The following PSMD1 variants were observed in gnomAD, a reference collection of about 807,000 sequenced individuals.
PSMD1 encodes proteasome 26S subunit, non-ATPase 1, also known as 26S proteasome non-ATPase regulatory subunit 1.
A neutral mutation model predicts 119.0 loss-of-function variants in PSMD1; 18 were observed. The ratio of observed to expected loss-of-function variants is 0.15; its 90% CI spans 0.10 to 0.22. The LOEUF (loss-of-function observed/expected upper bound fraction) is 0.22. Among genes scored for constraint, PSMD1 ranks in the 10% least tolerant of loss-of-function variants. The pLI, the probability that PSMD1 is intolerant of heterozygous loss-of-function variation, is 1.00. For synonymous variants in PSMD1, 374 were observed against 396.6 expected (o/e 0.94, Z 0.68); for missense variants, 702 against 1,158.5 (o/e 0.61, Z 5.72).
chr2:231,161,993 G>A (rs575197466), intron 20 of PSMD1, among the ~76,000 whole-genome samples: 4 of 152,310 alleles, frequency 2.6e-5, no homozygotes, highest in African/African-American at 4.8e-5. Flanking sequence ...AGTGGTTGAT[G>A]GAAGAAAGAA....
intron 16 of PSMD1, among the ~76,000 whole-genome samples, chr2:231,118,228 A>G (rs534449202): frequency 4.6e-5 from 7 of 152,260 alleles, no homozygotes; most frequent in South Asian, 2.1e-4. Flanking sequence ...AAAACACTCA[A>G]TAAATGTTAG....
At chr2:231,120,322 C>G (rs572771311) in intron 16 of PSMD1, among the ~76,000 whole-genome samples, 1 of 152,152 alleles carries the variant, frequency 6.6e-6, no homozygotes, top group Non-Finnish European at 1.5e-5. Flanking sequence ...TGGTGAACAT[C>G]CTGTCTTTTT....
At chr2:231,152,323 G>C (rs537224872) in intron 18 of PSMD1, among the ~76,000 whole-genome samples, 14 of 152,254 alleles carry the variant, frequency 9.2e-5, no homozygotes, top group South Asian at 8.3e-4. Flanking sequence ...TTTGTTAGTA[G>C]CATTTAGATT....
intron 23 of PSMD1, among the ~76,000 whole-genome samples, chr2:231,167,168 A>G (rs1696804722): frequency 6.6e-6 from 1 of 152,034 alleles, no homozygotes; most frequent in Non-Finnish European, 1.5e-5. Flanking sequence ...AATGGACAGA[A>G]TCATCAATGG....
At chr2:231,132,197 G>T (rs1695871052) in intron 16 of PSMD1, among the ~76,000 whole-genome samples, 1 of 152,148 alleles carries the variant, frequency 6.6e-6, no homozygotes, top group Non-Finnish European at 1.5e-5. Flanking sequence ...CTAAAGAAAA[G>T]AACTTGAGTT....
chr2:231,063,011 G>GCT (rs1401071162), intron 4 of PSMD1, among the ~76,000 whole-genome samples: 1 of 152,170 alleles, frequency 6.6e-6, no homozygotes, highest in Non-Finnish European at 1.5e-5. Flanking sequence ...TAGGCACCGT[G>GCT]CTAGTCACTC....
intron 16 of PSMD1, among the ~76,000 whole-genome samples, chr2:231,096,640 C>T (rs1026661040): frequency 6.6e-6 from 1 of 152,214 alleles, no homozygotes; most frequent in African/African-American, 2.4e-5. Flanking sequence ...CTTTTTAATT[C>T]TCAGCAAGGC....
rs1284982743 is a variant in PSMD1 at position 231,170,275 on chromosome 2, G to A, written c.2716-291G>A. 6 of 277,810 alleles carry A rather than the reference G, an allele frequency of 2.2e-5. No homozygotes were observed. In the Admixed American group the frequency reaches 2.6e-4, roughly 12 times the overall value. 17.2% of individuals were successfully genotyped at this position (277,810 alleles called of 1,614,324 possible). A position where few individuals can be genotyped will look rare whatever the true frequency, so the allele number is the denominator to read the frequency against. ...GGACAGTAAACATTCTTCCTGCAGT[G>A]AGACTGAGGCTGGTAGTCAAGGCCA... On this transcript the variant is annotated intron_variant, in intron 23 of 24. Coordinates refer to ENST00000308696, the MANE Select transcript of PSMD1 (RefSeq NM_002807.4). This position sits in a 1 kb window ranked among gnomAD's most constrained non-coding sequence, Gnocchi z 4.1.
intron 16 of PSMD1, among the ~76,000 whole-genome samples, chr2:231,103,384 C>T (rs956538647): frequency 6.6e-6 from 1 of 152,164 alleles, no homozygotes; most frequent in East Asian, 1.9e-4. Context: ...TAGTCTGGCA[C>T]CTCTAAACGG....
At chr2:231,076,493 C>G (rs1175990084) in intron 8 of PSMD1, among the ~76,000 whole-genome samples, 1 of 152,110 alleles carries the variant, frequency 6.6e-6, no homozygotes, top group Non-Finnish European at 1.5e-5. Context: ...ATGGCAAAAC[C>G]CCGTCTCTAC....
At position 231,170,031 on chromosome 2, in the gene PSMD1, G is replaced by A. The variant is rs774645852; in HGVS notation, c.2716-535G>A. On this transcript the variant is annotated intron_variant, in intron 23 of 24. Coordinates refer to ENST00000308696, the MANE Select transcript of PSMD1 (RefSeq NM_002807.4). The surrounding 1 kb of genome is among the most constrained non-coding windows in gnomAD (Gnocchi z 4.1). ...ATTGGCTTTTAATTTATACACTCTC[G>A]TGTTCAAAATGATTATCATCTCACA... Among the ~76,000 whole-genome samples the A allele has an allele frequency of 2.6e-5, 4 of 152,114 alleles. No homozygotes were observed. The highest frequency in any genetic ancestry group is 6.5e-5 in the Admixed American group (1 of 15,268).
intron 6 of PSMD1, among the ~76,000 whole-genome samples, chr2:231,071,652 G>T (rs995662514): frequency 3.9e-5 from 6 of 152,124 alleles, no homozygotes; most frequent in Non-Finnish European, 8.8e-5. Context: ...TGCTGCCTAA[G>T]GGAACAAGAA....
intron 16 of PSMD1, among the ~76,000 whole-genome samples, chr2:231,119,131 A>G (rs1695445225): frequency 6.6e-6 from 1 of 152,058 alleles, no homozygotes; most frequent in Non-Finnish European, 1.5e-5. Flanking sequence ...TGCTTACAGA[A>G]TTTTTTCCTG....
At chr2:231,106,328 G>A (rs1694973073) in intron 16 of PSMD1, among the ~76,000 whole-genome samples, 1 of 152,130 alleles carries the variant, frequency 6.6e-6, no homozygotes, top group South Asian at 2.1e-4. Context: ...TGGGTTAATT[G>A]TAAGCAAGAG....
At position 231,165,180 on chromosome 2, in the gene PSMD1, T is replaced by C. The variant is rs1316391083; in HGVS notation, c.2482-20T>C. On this transcript the variant is annotated intron_variant, in intron 21 of 24. Coordinates refer to ENST00000308696, the MANE Select transcript of PSMD1 (RefSeq NM_002807.4). ...ATGTCAGTAAGGGATTACAACAGTT[T>C]ACCCTGCTCATTTCCCCAGGTTTCT... The C allele has an allele frequency of 6.3e-7, 1 of 1,587,662 alleles. No individual in the cohort carries two copies. Among genetic ancestry groups the C allele is most frequent in the African/African-American group, 1.4e-5 (1 of 73,846 alleles).
At chr2:231,151,366 G>A (rs556943557) in intron 18 of PSMD1, among the ~76,000 whole-genome samples, 2 of 152,072 alleles carry the variant, frequency 1.3e-5, no homozygotes, top group African/African-American at 2.4e-5. Context: ...AGCTGACTTC[G>A]AAATTTAATG....
chr2:231,070,584 T>G (rs1019046836), intron 6 of PSMD1, among the ~76,000 whole-genome samples: 1 of 152,148 alleles, frequency 6.6e-6, no homozygotes, highest in African/African-American at 2.4e-5. Flanking sequence ...TTTGGGTATC[T>G]TTTCTTTATC....
At chr2:231,101,792 G>A (rs1292200696) in intron 16 of PSMD1, among the ~76,000 whole-genome samples, 1 of 152,172 alleles carries the variant, frequency 6.6e-6, no homozygotes, top group African/African-American at 2.4e-5. Flanking sequence ...CAGATGGTCG[G>A]TGGCACTTTT....
chr2:231,075,063 T>C (rs1486011441), intron 7 of PSMD1, among the ~76,000 whole-genome samples: 3 of 152,196 alleles, frequency 2.0e-5, no homozygotes, highest in African/African-American at 2.4e-5. Flanking sequence ...ACCTTCTTTA[T>C]CTTTGTCCCT....
Sources: allele counts gnomAD v4.1 joint callset (sites outside exome capture counted in the v4.1 genomes callset), GRCh38; gene constraint gnomAD v4.1.1; non-coding constraint Gnocchi (gnomAD v3.1); transcripts MANE v1.5; gene names NCBI Gene and HGNC (gene_info 2026-07-23, HGNC 2026-07-21).